The following PLPPR1 variants were observed in gnomAD, a reference collection of about 807,000 sequenced individuals.
PLPPR1 encodes phospholipid phosphatase-related protein type 1.
Under a neutral mutation model 33.1 loss-of-function variants are expected in PLPPR1, and 10 were observed. The observed-to-expected ratio is 0.30, with a 90% CI of 0.19 to 0.51. PLPPR1 has a LOEUF of 0.51. Among genes scored for constraint, PLPPR1 ranks in the 20% least tolerant of loss-of-function variants. The pLI, the probability that PLPPR1 is intolerant of heterozygous loss-of-function variation, is 0.97. For missense variants in PLPPR1, 304 were observed against 408.1 expected (o/e 0.74, Z 2.20); for synonymous variants, 151 against 151.0 (o/e 1.00, Z 0.00).
chr9:101,037,647 CT>C (rs1207934533), intron 1 of PLPPR1, among the ~76,000 whole-genome samples: 1 of 152,150 alleles, frequency 6.6e-6, no homozygotes, highest in Non-Finnish European at 1.5e-5. Flanking sequence ...CCTTTGCTAG[CT>C]ATCGCTTCCA....
intron 1 of PLPPR1, among the ~76,000 whole-genome samples, chr9:101,031,374 T>C (rs1332302215): frequency 6.6e-6 from 1 of 152,222 alleles, no homozygotes; most frequent in Non-Finnish European, 1.5e-5. Flanking sequence ...ATATAAAATA[T>C]GTAACATAGT....
chr9:101,041,149 A>G (rs1051048486), intron 1 of PLPPR1, among the ~76,000 whole-genome samples: 11 of 152,144 alleles, frequency 7.2e-5, no homozygotes, highest in Non-Finnish European at 1.6e-4. Flanking sequence ...GAGTACATGG[A>G]TCTCTGGTAG....
intron 1 of PLPPR1, among the ~76,000 whole-genome samples, chr9:101,126,429 A>G (rs1588038540): frequency 1.3e-5 from 2 of 152,232 alleles, no homozygotes; most frequent in Middle Eastern, 6.8e-3. Flanking sequence ...TCCAGGAAGT[A>G]GGGAGATGGG....
At chr9:101,277,944 A>T (rs1034416959) in intron 3 of PLPPR1, among the ~76,000 whole-genome samples, 4 of 152,198 alleles carry the variant, frequency 2.6e-5, no homozygotes, top group Non-Finnish European at 5.9e-5. Flanking sequence ...GAAAAAGAAA[A>T]ACTGAACCTC....
In PLPPR1 at chr9:101,107,905, C is replaced by A. The variant is rs1026692171; in HGVS notation, c.-45-77545C>A. 8.6e-5 allele frequency among the ~76,000 whole-genome samples: 13 copies of A among 151,254 alleles called. 1 individual carries two copies. Among genetic ancestry groups the A allele is most frequent in the Non-Finnish European group, 1.6e-4 (11 of 67,926 alleles). The stretch of plus-strand genomic sequence containing the variant: ...GCACAATATTCGGGTGGGAGTGACC[C>A]GATTTTCCAGGTGCGTTCGTCACCC... On this transcript the variant is annotated intron_variant, in intron 1 of 7. Coordinates refer to ENST00000374874, the MANE Select transcript of PLPPR1 (RefSeq NM_207299.2).
intron 4 of PLPPR1, among the ~76,000 whole-genome samples, chr9:101,294,598 T>A (rs1486571069): frequency 6.6e-6 from 1 of 152,024 alleles, no homozygotes; most frequent in Non-Finnish European, 1.5e-5. Context: ...AAAAAGCTTA[T>A]CCACCATGAT....
intron 2 of PLPPR1, among the ~76,000 whole-genome samples, chr9:101,197,042 A>G (rs1374008420): frequency 6.6e-6 from 1 of 152,180 alleles, no homozygotes; most frequent in African/African-American, 2.4e-5. Context: ...AAACACCAGC[A>G]TCTATTGCTC....
At chr9:101,156,552 CAAAA>C (rs1162056636) in intron 1 of PLPPR1, among the ~76,000 whole-genome samples, 1 of 71,328 alleles carries the variant, frequency 1.4e-5, no homozygotes, top group Admixed American at 1.6e-4. Context: ...ACCCTGTCTC[CAAAA>C]AAAAAAAAAA....
intron 1 of PLPPR1, among the ~76,000 whole-genome samples, chr9:101,066,414 C>T (rs984579922): frequency 1.3e-5 from 2 of 151,908 alleles, no homozygotes; most frequent in African/African-American, 4.8e-5. Context: ...ATTCACCATG[C>T]ACATCCCCCT....
chr9:101,118,625 T>C (rs1050381214), intron 1 of PLPPR1, among the ~76,000 whole-genome samples: 1 of 152,198 alleles, frequency 6.6e-6, no homozygotes, highest in Non-Finnish European at 1.5e-5. Flanking sequence ...GGAAATATTA[T>C]GGAGCCTACT....
At chr9:101,308,119 G>T (rs1476146175) in intron 4 of PLPPR1, among the ~76,000 whole-genome samples, 1 of 152,126 alleles carries the variant, frequency 6.6e-6, no homozygotes, top group African/African-American at 2.4e-5. Context: ...CCCCACCAAA[G>T]GATGATCATG....
In PLPPR1 at chr9:101,309,296, G is replaced by C; in HGVS notation, c.471G>C (p.Leu157=). The C allele has an allele frequency of 6.2e-7, 1 of 1,614,146 alleles. No homozygotes were observed. Among genetic ancestry groups the C allele is most frequent in the Non-Finnish European group, 8.5e-7 (1 of 1,180,022 alleles). ...VVTGHLTPYF[L]TVCKPNYTSA... is the part of the protein sequence containing the mutation. ...CTGGGCACTTAACGCCATACTTCCT[G>C]ACTGTGTGCAAGCCAAACTACACCA... The change falls in exon 5 of 8, where the codon CTG becomes CTC. Residue 157 remains leucine (L), a synonymous_variant. Coordinates refer to ENST00000374874, the MANE Select transcript of PLPPR1 (RefSeq NM_207299.2).
chr9:101,057,588 G>A lies in PLPPR1; in HGVS notation c.-46+28486G>A, dbSNP rs570421176. Among the ~76,000 whole-genome samples the A allele has an allele frequency of 2.0e-5, 3 of 152,106 alleles. No homozygotes were observed. The East Asian group carries it at 5.8e-4, about 29-fold the overall frequency. On this transcript the variant is annotated intron_variant, in intron 1 of 7. Transcript: ENST00000374874. Reference sequence around the variant, plus strand: ...CTACTGCCTTTTTAGTGCTTACTATGAGCCAGGAACTATGCTTAGTGTTTT... The same window carrying A: ...CTACTGCCTTTTTAGTGCTTACTATAAGCCAGGAACTATGCTTAGTGTTTT...
At chr9:101,188,510 G>A (rs1826242682) in intron 2 of PLPPR1, among the ~76,000 whole-genome samples, 1 of 151,354 alleles carries the variant, frequency 6.6e-6, no homozygotes, top group Non-Finnish European at 1.5e-5. Flanking sequence ...TTGTCTTATT[G>A]CTTTGGTTAA....
rs543886280 is a variant in PLPPR1 at position 101,133,951 on chromosome 9, A to T, written c.-45-51499A>T. 1.2e-4 allele frequency among the ~76,000 whole-genome samples: 18 copies of T among 152,278 alleles called. 1 individual carries two copies. The South Asian group carries it at 3.3e-3, about 28-fold the overall frequency. On this transcript the variant is annotated intron_variant, in intron 1 of 7. Coordinates refer to ENST00000374874, the MANE Select transcript of PLPPR1 (RefSeq NM_207299.2). ...TTTACAAAATTGGATCCGTAATACTATCTATTGGGTAGTCGTGAGAATTAA... is the reference window on the plus strand; with the variant it reads ...TTTACAAAATTGGATCCGTAATACTTTCTATTGGGTAGTCGTGAGAATTAA...
At chr9:101,290,811 T>C (rs972910300) in intron 4 of PLPPR1, among the ~76,000 whole-genome samples, 3 of 152,234 alleles carry the variant, frequency 2.0e-5, no homozygotes, top group Non-Finnish European at 4.4e-5. Flanking sequence ...GGAGCCAAGA[T>C]GGCCGAATAG....
At chr9:101,087,172 ACT>A (rs1480549322) in intron 1 of PLPPR1, among the ~76,000 whole-genome samples, 2 of 142,576 alleles carry the variant, frequency 1.4e-5, no homozygotes. Context: ...ACTGAGTGAG[ACT>A]CTGTCTCAAA....
chr9:101,305,928 A>G (rs1828852423), intron 4 of PLPPR1, among the ~76,000 whole-genome samples: 1 of 152,110 alleles, frequency 6.6e-6, no homozygotes, highest in Non-Finnish European at 1.5e-5. Context: ...GGTCCAGGTA[A>G]AACCCTGAGA....
At chr9:101,321,385 C>G (rs1829145997) in intron 7 of PLPPR1, among the ~76,000 whole-genome samples, 1 of 152,126 alleles carries the variant, frequency 6.6e-6, no homozygotes, top group Non-Finnish European at 1.5e-5. Flanking sequence ...TGTGATTCCC[C>G]TTAGTATAGT....
Sources: gnomAD v4.1 joint callset for allele counts (sites outside exome capture counted in the v4.1 genomes callset) on GRCh38, gnomAD v4.1.1 for gene constraint, MANE v1.5 for transcripts, NCBI Gene and HGNC (gene_info 2026-07-23, HGNC 2026-07-21) for gene names.